Variants in MGAT4C observed in about 807,000 individuals in gnomAD.
The protein encoded by MGAT4C is alpha-1,3-mannosyl-glycoprotein 4-beta-N-acetylglucosaminyltransferase C.
Under a neutral mutation model 40.1 loss-of-function variants are expected in MGAT4C, and 19 were observed. The observed-to-expected ratio is 0.47, with a 90% CI of 0.33 to 0.70. The LOEUF (loss-of-function observed/expected upper bound fraction) is 0.70, where lower values mean the gene tolerates loss of function less well. Among genes scored for constraint, MGAT4C ranks in the 30% least tolerant of loss-of-function variants. The pLI is 0.02. For synonymous variants in MGAT4C, 181 were observed against 187.1 expected (o/e 0.97, Z 0.27); for missense variants, 491 against 563.2 (o/e 0.87, Z 1.30).
At chr12:86,669,512 C>T (rs1018155249) in intron 2 of MGAT4C, among the ~76,000 whole-genome samples, 1 of 152,204 alleles carries the variant, frequency 6.6e-6, no homozygotes, top group Non-Finnish European at 1.5e-5. Flanking sequence ...GGGTTTTAGG[C>T]TGTCCCCCAT....
chr12:86,044,725 C>G (rs1429575110), intron 2 of MGAT4C, among the ~76,000 whole-genome samples: 1 of 152,064 alleles, frequency 6.6e-6, no homozygotes, highest in Non-Finnish European at 1.5e-5. Flanking sequence ...TGGGAAGCAC[C>G]TTGGTTGTCT....
At position 86,352,559 on chromosome 12, in the gene MGAT4C, C is replaced by G. The variant is rs184940463; in HGVS notation, c.-119-18432G>C. 3.2e-4 allele frequency among the ~76,000 whole-genome samples: 49 copies of G among 152,136 alleles called. 1 individual carries two copies. The highest frequency in any genetic ancestry group is 1.2e-3 in the Admixed American group (19 of 15,256). On this transcript the variant is annotated intron_variant, in intron 3 of 7. Transcript: ENST00000548651. ...TCTTGGAAATCTTTCCATATCAGTA[C>G]AAATTGTACTTCCTTATTCCCTTTT...
intron 4 of MGAT4C, among the ~76,000 whole-genome samples, chr12:86,274,870 G>A (rs537825282): frequency 3.3e-5 from 5 of 152,184 alleles, no homozygotes; most frequent in Non-Finnish European, 7.3e-5. Flanking sequence ...TCTGTGAAAG[G>A]AAGAGTGTGA....
rs183613616 is a variant in MGAT4C at position 86,302,070 on chromosome 12, T to G, written c.-57+31995A>C. ...AATAAATCTATTTTTAAATAAACTT[T>G]TTTTAAATCTTAGCCCCAAAGTAGG... On this transcript the variant is annotated intron_variant, in intron 4 of 7. Transcript: ENST00000548651. Among the ~76,000 whole-genome samples the G allele has an allele frequency of 3.0e-4, 45 of 151,106 alleles. 4 individuals are homozygous for G. The highest frequency in any genetic ancestry group is 1.1e-3 in the African/African-American group (45 of 40,464).
chr12:86,127,378 A>G (rs903731244), intron 1 of MGAT4C, among the ~76,000 whole-genome samples: 2 of 152,216 alleles, frequency 1.3e-5, no homozygotes, highest in Non-Finnish European at 1.5e-5. Context: ...GGCACTTATC[A>G]TAAATTAACT....
At chr12:86,271,753 T>G (rs569311050) in intron 4 of MGAT4C, among the ~76,000 whole-genome samples, 1 of 152,336 alleles carries the variant, frequency 6.6e-6, no homozygotes, top group South Asian at 2.1e-4. Context: ...CCAATTAGTT[T>G]TCATCAATAG....
intron 2 of MGAT4C, among the ~76,000 whole-genome samples, chr12:86,678,383 T>C (rs1335150484): frequency 6.6e-6 from 1 of 152,084 alleles, no homozygotes; most frequent in Non-Finnish European, 1.5e-5. Flanking sequence ...ATTCATAACC[T>C]ACCTACTGTA....
At chr12:86,101,175 T>C (rs1475649264) in intron 1 of MGAT4C, among the ~76,000 whole-genome samples, 1 of 151,844 alleles carries the variant, frequency 6.6e-6, no homozygotes, top group Non-Finnish European at 1.5e-5. Context: ...CTGTAAGACA[T>C]GGTTGCTGCC....
At chr12:86,465,883 T>C (rs571867738) in intron 2 of MGAT4C, among the ~76,000 whole-genome samples, 2 of 152,208 alleles carry the variant, frequency 1.3e-5, no homozygotes, top group East Asian at 3.9e-4. Context: ...CCTTGATATA[T>C]ACCTAAGGAG....
At chr12:86,343,059 G>T (rs1383786877) in intron 3 of MGAT4C, among the ~76,000 whole-genome samples, 1 of 152,056 alleles carries the variant, frequency 6.6e-6, no homozygotes, top group Non-Finnish European at 1.5e-5. Context: ...GAAGTTTGTG[G>T]TCACTAACGA....
intron 1 of MGAT4C, among the ~76,000 whole-genome samples, chr12:86,100,735 T>G (rs1309336656): frequency 6.6e-6 from 1 of 151,578 alleles, no homozygotes; most frequent in Non-Finnish European, 1.5e-5. Context: ...CTAGTTAATG[T>G]AAGGAACAAT....
At chr12:86,203,975 A>AAT (rs56952745) in intron 1 of MGAT4C, among the ~76,000 whole-genome samples, 2,395 of 137,018 alleles carry the variant, frequency 0.017, 89 homozygotes, top group East Asian at 0.044. Context: ...AAAAAAAAGA[A>AAT]ATATATATAT....
chr12:86,628,681 C>G (rs1312605345), intron 2 of MGAT4C, among the ~76,000 whole-genome samples: 1 of 152,092 alleles, frequency 6.6e-6, no homozygotes, highest in Non-Finnish European at 1.5e-5. Context: ...AAATCCTTTA[C>G]AGACAAGCAA....
intron 1 of MGAT4C, among the ~76,000 whole-genome samples, chr12:86,132,439 CTTATGAAA>C (rs1402876463): frequency 1.3e-5 from 2 of 152,020 alleles, no homozygotes; most frequent in Non-Finnish European, 2.9e-5. Context: ...CTTCCACAAT[CTTATGAAA>C]TTATAAAACA....
intron 1 of MGAT4C, among the ~76,000 whole-genome samples, chr12:86,818,543 G>A (rs906922016): frequency 6.6e-6 from 1 of 150,812 alleles, no homozygotes. Flanking sequence ...ACTTTAAATA[G>A]GTAATTAAGG....
At position 86,399,840 on chromosome 12, in the gene MGAT4C, T is replaced by A. The variant is rs142224538; in HGVS notation, c.-120+35317A>T. Among the ~76,000 whole-genome samples, 252 of 152,308 alleles carry A rather than the reference T, an allele frequency of 1.7e-3. 3 individuals carry two copies. Among genetic ancestry groups the A allele is most frequent in the African/African-American group, 5.8e-3 (242 of 41,572 alleles). ...ATAACTTCACCTGGCTGATTATTTG[T>A]GTCCTTTAAAATATGCTTTATAATT... is the stretch of plus-strand genomic sequence containing the variant. On this transcript the variant is annotated intron_variant, in intron 3 of 7. Transcript: ENST00000548651.
At chr12:86,097,807 G>A (rs1010335083) in intron 1 of MGAT4C, among the ~76,000 whole-genome samples, 3 of 151,368 alleles carry the variant, frequency 2.0e-5, no homozygotes, top group South Asian at 2.1e-4. Context: ...AAAGCCCCAC[G>A]TACCTATTAA....
chr12:86,241,193 C>T (rs569073919), intron 1 of MGAT4C, among the ~76,000 whole-genome samples: 1 of 152,246 alleles, frequency 6.6e-6, no homozygotes, highest in Admixed American at 6.5e-5. Flanking sequence ...TGGTTTTCCA[C>T]AGTAATGATT....
intron 1 of MGAT4C, among the ~76,000 whole-genome samples, chr12:86,190,579 T>C (rs531331135): frequency 1.7e-4 from 26 of 152,236 alleles, no homozygotes; most frequent in African/African-American, 6.3e-4. Context: ...AGTGTTTCTA[T>C]GAGAATTTTG....
Sources: gnomAD v4.1 joint callset for allele counts (sites outside exome capture counted in the v4.1 genomes callset) on GRCh38, gnomAD v4.1.1 for gene constraint, MANE v1.5 for transcripts, NCBI Gene and HGNC (gene_info 2026-07-23, HGNC 2026-07-21) for gene names.